Variants in RYR1 observed in about 807,000 individuals in gnomAD.
The protein encoded by RYR1 is central core disease of muscle.
A neutral mutation model predicts 583.5 loss-of-function variants in RYR1; 342 were observed. The ratio of observed to expected loss-of-function variants is 0.59; its 90% CI spans 0.54 to 0.64. The LOEUF (loss-of-function observed/expected upper bound fraction) is 0.64, where lower values mean the gene tolerates loss of function less well. RYR1 is among the 30% of genes least tolerant of loss of function. The pLI is 0.00. For missense variants in RYR1, 6,032 were observed against 6,917.2 expected (o/e 0.87, Z 4.54); for synonymous variants, 2,791 against 2,822.5 (o/e 0.99, Z 0.35).
intron 66 of RYR1, among the ~76,000 whole-genome samples, chr19:38,518,494 C>A (rs1298438047): frequency 6.6e-6 from 1 of 151,462 alleles, no homozygotes; most frequent in Non-Finnish European, 1.5e-5. Context: ...GATCAGAGGC[C>A]AGGGTAAGGG....
intron 28 of RYR1, 53 bp from the exon 29 acceptor site, chr19:38,475,265 G>C: frequency 6.5e-7 from 1 of 1,550,080 alleles, no homozygotes; most frequent in Non-Finnish European, 8.7e-7. Flanking sequence ...TATTGCGGTG[G>C]GAGGGCTGGG....
At chr19:38,576,321 A>G (rs1174859080) in intron 97 of RYR1, among the ~76,000 whole-genome samples, 2 of 151,990 alleles carry the variant, frequency 1.3e-5, no homozygotes, top group African/African-American at 4.8e-5. Flanking sequence ...ACGGTACCGC[A>G]TGCCTGTAGT....
At position 38,496,829 on chromosome 19, in the gene RYR1, G is replaced by A; in HGVS notation, c.6797-31G>A. ...CAGAGGAGGCGAGACAAGCAGGAGT[G>A]AGATGTTCTCCCCACCTCTCGCCCC... On this transcript the variant is annotated intron_variant, in intron 41 of 105. Transcript: ENST00000359596. This position sits in a 1 kb window ranked among gnomAD's most constrained non-coding sequence, Gnocchi z 4.8. 2 of 1,592,690 alleles carry A rather than the reference G, an allele frequency of 1.3e-6. No individual in the cohort carries two copies. The highest frequency in any genetic ancestry group is 2.2e-5 in the East Asian group (1 of 44,772).
intron 101 of RYR1, among the ~76,000 whole-genome samples, chr19:38,582,073 T>A (rs1974239510): frequency 6.6e-6 from 1 of 152,116 alleles, no homozygotes; most frequent in Admixed American, 6.6e-5. Context: ...TTAGGACTAA[T>A]AGGTGCTCCC....
rs117300102 is a variant in RYR1 at position 38,501,474 on chromosome 19, G to A, written c.7614+484G>A. ...GATCGTGCCGCTGCACTCCCGCCTG[G>A]CAATGGAGCGAGACTCCATCTCAAA... On this transcript the variant is annotated intron_variant, in intron 47 of 105. Coordinates refer to ENST00000359596, the MANE Select transcript of RYR1 (RefSeq NM_000540.3). Among the ~76,000 whole-genome samples, 1,141 of 152,322 alleles carry A rather than the reference G, an allele frequency of 7.5e-3. 29 individuals are homozygous for A. Among genetic ancestry groups the A allele is most frequent in the East Asian group, 0.068 (354 of 5,182 alleles).
At chr19:38,475,058 G>A (rs766905107) in intron 28 of RYR1, among the ~76,000 whole-genome samples, 1 of 152,122 alleles carries the variant, frequency 6.6e-6, no homozygotes, top group African/African-American at 2.4e-5. Context: ...CTGACTTAGG[G>A]GGACCCCCAT....
rs1178133301 is a variant in RYR1, at chr19:38,566,915, A to G, written c.13442A>G (p.Asp4481Gly). The change falls in exon 92 of 106, where the codon GAT (aspartate) becomes GGT (glycine). Residue 4481 changes from aspartate to glycine, a missense_variant. By Grantham distance (94) the Asp-to-Gly change is moderately conservative. Transcript: ENST00000359596. ...TGATGCTTGCCCTGTCCCTAGGTGG[A>G]TGGAGTGGAGGAGGAGCTCCCGCCA... The part of the protein sequence containing the change: ...SPILKRKLGV[D>G]GVEEELPPEP... 1.2e-6 allele frequency: 2 copies of G among 1,604,980 alleles called. No homozygotes were observed. The highest frequency in any genetic ancestry group is 8.5e-7 in the Non-Finnish European group (1 of 1,176,066).
At chr19:38,509,631 G>A (rs1306224540) in intron 58 of RYR1, among the ~76,000 whole-genome samples, 10 of 151,556 alleles carry the variant, frequency 6.6e-5, no homozygotes, top group African/African-American at 1.7e-4. Context: ...TTTTGTGTTT[G>A]TATTTTTAGT....
intron 97 of RYR1, among the ~76,000 whole-genome samples, chr19:38,577,082 C>A (rs1252122233): frequency 6.6e-6 from 1 of 151,982 alleles, no homozygotes; most frequent in Non-Finnish European, 1.5e-5. Context: ...GACGGGGTTT[C>A]GCCATGTGGG....
chr19:38,443,771 T>C lies in RYR1; in HGVS notation c.399T>C (p.Asp133=). The C allele has an allele frequency of 6.2e-7, 1 of 1,614,078 alleles. No individual in the cohort carries two copies. Among genetic ancestry groups the C allele is most frequent in the Non-Finnish European group, 8.5e-7 (1 of 1,179,998 alleles). The change falls in exon 5 of 106, where the codon GAT becomes GAC. Residue 133 remains aspartate, a synonymous_variant. Coordinates refer to ENST00000359596, the MANE Select transcript of RYR1 (RefSeq NM_000540.3). ...CCATGACTGACAAGCTGGCCTTCGATGTGGGACTGCAGGAGGACGCAACAG... is the reference window on the plus strand; with the variant it reads ...CCATGACTGACAAGCTGGCCTTCGACGTGGGACTGCAGGAGGACGCAACAG... ...SRSMTDKLAF[D]VGLQEDATGE...
chr19:38,484,374 TCCTTCCTC>T (rs1280885110), intron 33 of RYR1, among the ~76,000 whole-genome samples: 11 of 151,434 alleles, frequency 7.3e-5, no homozygotes, highest in African/African-American at 2.7e-4. Flanking sequence ...TTTCCTTCCT[TCCTTCCTC>T]CCTCCTTCCC....
At chr19:38,464,757 G>T in intron 23 of RYR1, 35 bp downstream of exon 23, 1 of 1,540,446 alleles carries the variant, frequency 6.5e-7, no homozygotes, top group Non-Finnish European at 8.8e-7. Flanking sequence ...TCTGGGGATG[G>T]ACTGGGGGCT....
intron 11 of RYR1, 112 bp from the exon 12 acceptor site, chr19:38,451,652 C>A: frequency 7.8e-7 from 1 of 1,283,670 alleles, no homozygotes; most frequent in Non-Finnish European, 1.1e-6. Flanking sequence ...CAGTGAGATT[C>A]TGCAGAGCAG....
At chr19:38,520,175 A>G (rs1971162217) in intron 67 of RYR1, among the ~76,000 whole-genome samples, 1 of 150,444 alleles carries the variant, frequency 6.6e-6, no homozygotes, top group Admixed American at 6.7e-5. Flanking sequence ...CCTGGGTTCA[A>G]GCGATCCTCT....
chr19:38,483,205 G>A lies in RYR1; in HGVS notation c.4708-85G>A, dbSNP rs1969100383. 1.9e-6 allele frequency: 3 copies of A among 1,585,704 alleles called. No individual in the cohort carries two copies. Among genetic ancestry groups the A allele is most frequent in the Non-Finnish European group, 2.6e-6 (3 of 1,157,456 alleles). On this transcript the variant is annotated intron_variant, in intron 32 of 105. Coordinates refer to ENST00000359596, the MANE Select transcript of RYR1 (RefSeq NM_000540.3). The surrounding 1 kb of genome is among the most constrained non-coding windows in gnomAD (Gnocchi z 6.3). ...GGGCAGAGCCACTGAAGGGGAGGGGGCAATCCAAGAGGTCTCCCTGGAAGT... is the reference window on the plus strand; with the variant it reads ...GGGCAGAGCCACTGAAGGGGAGGGGACAATCCAAGAGGTCTCCCTGGAAGT...
Position 38,515,991 on chromosome 19 carries a change from G to T in RYR1, c.9555-96G>T. On this transcript the variant is annotated intron_variant, in intron 64 of 105. Coordinates refer to ENST00000359596, the MANE Select transcript of RYR1 (RefSeq NM_000540.3). The stretch of plus-strand genomic sequence containing the variant: ...GGATGAATGGCAGCTCTGTCCCAAA[G>T]GGTTCTGGGAGGAGCCGTTTCTATG... 5.0e-6 allele frequency: 7 copies of T among 1,413,872 alleles called. No homozygotes were observed. In the South Asian group the frequency reaches 9.5e-5, roughly 19 times the overall value. The allele number at this position is 1,413,872 out of a possible 1,614,324, so 87.6% of individuals were successfully genotyped here. A position where few individuals can be genotyped will look rare whatever the true frequency, so the allele number is the denominator to read the frequency against.
At chr19:38,579,946 G>T in intron 99 of RYR1, 36 bp from the exon 100 acceptor site, 1 of 1,613,892 alleles carries the variant, frequency 6.2e-7, no homozygotes, top group Non-Finnish European at 8.5e-7. Context: ...GTGTGTCCCT[G>T]CCTTCCCCCT....
chr19:38,582,272 C>T (rs1294513187), intron 101 of RYR1, among the ~76,000 whole-genome samples: 1 of 152,048 alleles, frequency 6.6e-6, no homozygotes, highest in Non-Finnish European at 1.5e-5. Context: ...TGGCGCATGC[C>T]TGTAATCCCA....
chr19:38,499,775 C>T lies in RYR1; in HGVS notation c.7168C>T (p.Pro2390Ser). ...AGAGGCCATCCGCATCTCCGAGGAC[C>T]CTGCGAGGGATGGCCCAGGCATCCG... ...IEEAIRISED[P>S]ARDGPGIRRD... Residue 2390 changes from proline (P) to serine (S), a missense_variant, in exon 44 of 106, where the codon CCT becomes TCT. Pro to Ser is a moderately conservative substitution (Grantham distance 74). Coordinates refer to ENST00000359596, the MANE Select transcript of RYR1 (RefSeq NM_000540.3). This position sits in a 1 kb window ranked among gnomAD's most constrained non-coding sequence, Gnocchi z 7.3. 2 of 1,603,070 alleles carry T rather than the reference C, an allele frequency of 1.2e-6. No homozygotes were observed. Among genetic ancestry groups the T allele is most frequent in the Non-Finnish European group, 8.5e-7 (1 of 1,179,072 alleles).
Sources: allele counts gnomAD v4.1 joint callset (sites outside exome capture counted in the v4.1 genomes callset), GRCh38; gene constraint gnomAD v4.1.1; non-coding constraint Gnocchi (gnomAD v3.1); transcripts MANE v1.5; gene names NCBI Gene and HGNC (gene_info 2026-07-23, HGNC 2026-07-21).